HMCN2: variants seen among roughly 807,000 people sequenced by gnomAD.
HMCN2 encodes the protein hemicentin 2.
HMCN2 carries 325 observed loss-of-function variants against 377.5 expected under a neutral mutation model. That is an observed-to-expected ratio of 0.86 (90% CI 0.79 to 0.94). The LOEUF is 0.94. Ranked by LOEUF, HMCN2 falls within the 40% of genes least tolerant of loss-of-function variation. The probability of loss-of-function intolerance (pLI) is 0.00; values close to 1 mark genes in which losing one functional copy is unlikely to be tolerated. For missense variants in HMCN2, 4,543 were observed against 4,725.3 expected, an observed-to-expected ratio of 0.96 and a Z score of 1.13; for synonymous variants, 2,007 against 2,046.8, an observed-to-expected ratio of 0.98 and a Z score of 0.53.
Position 130,304,685 on chromosome 9 carries a change from C to T in HMCN2, c.1544-45C>T, listed in dbSNP as rs1836738131. Reference sequence around the variant, plus strand: ...CCAGGGCTTGCACGATGACCCCCTCCCTTGCCTCAGCTCCTTGGTTCCTCC... The same window carrying T: ...CCAGGGCTTGCACGATGACCCCCTCTCTTGCCTCAGCTCCTTGGTTCCTCC... On this transcript the variant is annotated intron_variant, in intron 10 of 97. Transcript: ENST00000683500. This position sits in a 1 kb window ranked among gnomAD's most constrained non-coding sequence, Gnocchi z 4.3. The T allele has an allele frequency of 2.3e-6, 1 of 431,010 alleles. No individual in the cohort carries two copies. 26.7% of individuals were successfully genotyped at this position (431,010 alleles called of 1,614,324 possible).
chr9:130,430,500 C>T lies in HMCN2; in HGVS notation c.14543C>T (p.Ser4848Phe), dbSNP rs1167369673. 1.9e-6 allele frequency: 3 copies of T among 1,550,504 alleles called. No individual in the cohort carries two copies. Among genetic ancestry groups the T allele is most frequent in the East Asian group, 2.4e-5 (1 of 40,938 alleles). The change falls in exon 95 of 98, where the codon TCC (serine) becomes TTC (phenylalanine). Residue 4848 changes from serine to phenylalanine, a missense_variant. Ser to Phe is a radical substitution (Grantham distance 155). This residue lies in a region of HMCN2 where 1,155 missense variants were observed against 1,157.7 expected (regional missense o/e 1.00). Coordinates refer to ENST00000683500, the MANE Select transcript of HMCN2 (RefSeq NM_001291815.2). ...LRPWASIPGT[S>F]YHAWVSLRPG... is the part of the protein sequence containing the mutation. The stretch of plus-strand genomic sequence containing the variant: ...CCCTGGGCCTCGATCCCCGGTACCT[C>T]CTACCACGCCTGGGTCTCTCTCCGT...
intron 1 of HMCN2, among the ~76,000 whole-genome samples, chr9:130,266,737 A>C (rs1327432099): frequency 6.6e-6 from 1 of 152,112 alleles, no homozygotes; most frequent in Non-Finnish European, 1.5e-5. Flanking sequence ...CGTGGCCTCC[A>C]CCTGCTGTGT....
rs1371302348 is a variant in HMCN2 at position 130,394,362 on chromosome 9, T to C, written c.10502-23T>C. 1.3e-5 allele frequency: 16 copies of C among 1,279,288 alleles called. No homozygotes were observed. Among genetic ancestry groups the C allele is most frequent in the Non-Finnish European group, 1.5e-5 (15 of 980,056 alleles). 79.2% of individuals were successfully genotyped at this position (1,279,288 alleles called of 1,614,324 possible). A position where few individuals can be genotyped will look rare whatever the true frequency, so the allele number is the denominator to read the frequency against. On this transcript the variant is annotated intron_variant, in intron 68 of 97. Transcript: ENST00000683500. This position sits in a 1 kb window ranked among gnomAD's most constrained non-coding sequence, Gnocchi z 5.1. ...CCCGGAAATGTGTGTCAATTGTGTG[T>C]TCCCCTCCATGGTGGCTTGCAGAGC...
At position 130,394,973 on chromosome 9, in the gene HMCN2, G is replaced by A. The variant is rs1776929714; in HGVS notation, c.10693-54G>A. Reference sequence around the variant, plus strand: ...CGATGCATGAGAAAGAAACCAGATTGGGAGGCGGGCAGAGAGGGGCCAGGG... The same window carrying A: ...CGATGCATGAGAAAGAAACCAGATTAGGAGGCGGGCAGAGAGGGGCCAGGG... On this transcript the variant is annotated intron_variant, in intron 69 of 97. Coordinates refer to ENST00000683500, the MANE Select transcript of HMCN2 (RefSeq NM_001291815.2). This position sits in a 1 kb window ranked among gnomAD's most constrained non-coding sequence, Gnocchi z 5.1. The A allele has an allele frequency of 2.6e-6, 3 of 1,140,290 alleles. No individual in the cohort carries two copies. Among genetic ancestry groups the A allele is most frequent in the African/African-American group, 1.6e-5 (1 of 62,268 alleles). 70.6% of individuals were successfully genotyped at this position (1,140,290 alleles called of 1,614,324 possible).
intron 1 of HMCN2, among the ~76,000 whole-genome samples, chr9:130,283,608 A>C (rs1232634916): frequency 6.6e-6 from 1 of 152,080 alleles, no homozygotes; most frequent in African/African-American, 2.4e-5. Context: ...TCCTCAGGCA[A>C]CCTCTGTTCT....
chr9:130,357,114 G>T (rs1256648091), intron 34 of HMCN2, among the ~76,000 whole-genome samples: 1 of 144,776 alleles, frequency 6.9e-6, no homozygotes, highest in Non-Finnish European at 1.5e-5. Flanking sequence ...GGATGGATGG[G>T]TAGATAGATG....
chr9:130,381,264 C>T (rs947267875), intron 54 of HMCN2, among the ~76,000 whole-genome samples: 2 of 152,200 alleles, frequency 1.3e-5, no homozygotes, highest in African/African-American at 4.8e-5. Flanking sequence ...ACCCACAGCC[C>T]GGGCCGGCCA....
chr9:130,281,822 G>T lies in HMCN2; in HGVS notation c.260-2781G>T, dbSNP rs192774403. Reference sequence around the variant, plus strand: ...GGAGAATCACCTGAACCCAGGAGGCGGAGGCTGCAGTGAGCCGAGATTGCA... The same window carrying T: ...GGAGAATCACCTGAACCCAGGAGGCTGAGGCTGCAGTGAGCCGAGATTGCA... On this transcript the variant is annotated intron_variant, in intron 1 of 97. Transcript: ENST00000683500. Among the ~76,000 whole-genome samples the T allele has an allele frequency of 9.3e-4, 140 of 151,244 alleles. No homozygotes were observed. In the Middle Eastern group the frequency reaches 0.01, roughly 11 times the overall value.
intron 1 of HMCN2, among the ~76,000 whole-genome samples, chr9:130,267,534 G>A (rs565384533): frequency 2.0e-5 from 3 of 151,790 alleles, no homozygotes; most frequent in African/African-American, 2.4e-5. Context: ...AGAAATAGAC[G>A]GTGGCCATTG....
chr9:130,371,734 T>G (rs1660774364), intron 46 of HMCN2, among the ~76,000 whole-genome samples: 1 of 152,234 alleles, frequency 6.6e-6, no homozygotes, highest in Non-Finnish European at 1.5e-5. Flanking sequence ...GCCGGGTGCA[T>G]TCTGTGGATA....
intron 60 of HMCN2, 139 bp downstream of exon 60, chr9:130,385,901 T>A: frequency 2.1e-6 from 1 of 475,598 alleles, no homozygotes; most frequent in South Asian, 1.9e-5. Flanking sequence ...CCGAGTGGAT[T>A]AGCAGCTTCC....
chr9:130,314,595 G>A (rs906730523), intron 15 of HMCN2, among the ~76,000 whole-genome samples: 3 of 152,278 alleles, frequency 2.0e-5, no homozygotes, highest in South Asian at 2.1e-4. Context: ...TCAGGAAAGG[G>A]GGCTGTGGAG....
intron 85 of HMCN2, among the ~76,000 whole-genome samples, chr9:130,413,785 A>G (rs1004953538): frequency 2.6e-5 from 4 of 152,110 alleles, no homozygotes; most frequent in African/African-American, 4.8e-5. Flanking sequence ...GTGCACCTCA[A>G]CGAGAGCCTG....
intron 8 of HMCN2, among the ~76,000 whole-genome samples, chr9:130,302,124 C>T (rs889741768): frequency 2.0e-5 from 3 of 151,078 alleles, no homozygotes; most frequent in Non-Finnish European, 4.4e-5. Context: ...TCACTGCAGT[C>T]TCCGCCTCCC....
chr9:130,266,864 C>T (rs1434217610), intron 1 of HMCN2, among the ~76,000 whole-genome samples: 3 of 152,202 alleles, frequency 2.0e-5, no homozygotes, highest in African/African-American at 7.2e-5. Context: ...GGTCCCTGGG[C>T]GCTCCACTGT....
Position 130,277,853 on chromosome 9 carries a change from CCACCACCAT to C in HMCN2, c.260-6747_260-6739del, listed in dbSNP as rs1564739656. Among the ~76,000 whole-genome samples, 17 of 33,424 alleles carry C rather than the reference CCACCACCAT, an allele frequency of 5.1e-4. 3 individuals are homozygous for C. Among genetic ancestry groups the C allele is most frequent in the Non-Finnish European group, 9.7e-4 (16 of 16,556 alleles). The allele number at this position is 33,424 out of a possible 152,430, so 21.9% of individuals were successfully genotyped here. A position where few individuals can be genotyped will look rare whatever the true frequency, so the allele number is the denominator to read the frequency against. On this transcript the variant is annotated intron_variant, in intron 1 of 97. Transcript: ENST00000683500. ...ACCACCATCATCATCATCACCACCA[CCACCACCAT>C]CATCATCATCACCACCACCATCATC...
rs116875577 is a variant in HMCN2, at chr9:130,273,041, C to T, written c.259+6904C>T. ...CATTTTCAAAAAACTCTATTGTTCT[C>T]ATCCATCAGACATGCCTCTTGTTCT... On this transcript the variant is annotated intron_variant, in intron 1 of 97. Transcript: ENST00000683500. Among the ~76,000 whole-genome samples, 13 of 152,222 alleles carry T rather than the reference C, an allele frequency of 8.5e-5. No individual in the cohort carries two copies. The East Asian group carries it at 1.9e-3, about 23-fold the overall frequency.
At chr9:130,372,497 C>A in intron 47 of HMCN2, 90 bp downstream of exon 47, 1 of 293,740 alleles carries the variant, frequency 3.4e-6, no homozygotes, top group Non-Finnish European at 5.1e-6. Flanking sequence ...ACTCATGGCT[C>A]ATGCTGTAGC....
At chr9:130,283,751 T>C (rs1385155046) in intron 1 of HMCN2, among the ~76,000 whole-genome samples, 4 of 152,208 alleles carry the variant, frequency 2.6e-5, no homozygotes, top group Non-Finnish European at 5.9e-5. Context: ...TTGGTAGTTG[T>C]CCTGTCTTAT....
Sources: allele counts gnomAD v4.1 joint callset (sites outside exome capture counted in the v4.1 genomes callset), GRCh38; gene constraint gnomAD v4.1.1; regional missense constraint gnomAD v4.1.1; non-coding constraint Gnocchi (gnomAD v3.1); transcripts MANE v1.5; gene names NCBI Gene and HGNC (gene_info 2026-07-23, HGNC 2026-07-21).